SIRT2: variants seen among roughly 807,000 people sequenced by gnomAD.
SIRT2 encodes the protein NAD-dependent protein deacetylase sirtuin-2.
A neutral mutation model predicts 57.4 loss-of-function variants in SIRT2; 40 were observed. The observed-to-expected ratio is 0.70, with a 90% CI of 0.54 to 0.91. The LOEUF (loss-of-function observed/expected upper bound fraction) is 0.91. Ranked by LOEUF, SIRT2 falls within the 40% of genes least tolerant of loss-of-function variation. SIRT2 has a pLI of 0.00. For missense variants in SIRT2, 439 were observed against 510.4 expected, an observed-to-expected ratio of 0.86 and a Z score of 1.35; for synonymous variants, 161 against 195.7, an observed-to-expected ratio of 0.82 and a Z score of 1.48.
In SIRT2 at chr19:38,878,881, G is replaced by T; in HGVS notation, c.*274C>A. Reference sequence around the variant, plus strand: ...AGCCCTGGCCCCGTGGGGGCAGTTAGAGATGAGGGAGGTTACTCCTTAGCC... The same window carrying T: ...AGCCCTGGCCCCGTGGGGGCAGTTATAGATGAGGGAGGTTACTCCTTAGCC... On this transcript the variant is annotated 3_prime_UTR_variant, in exon 16 of 16. Coordinates refer to ENST00000249396, the MANE Select transcript of SIRT2 (RefSeq NM_012237.4). 2.6e-6 allele frequency: 1 copy of T among 384,248 alleles called. No individual in the cohort carries two copies. Among genetic ancestry groups the T allele is most frequent in the East Asian group, 4.3e-5 (1 of 23,068 alleles). The allele number at this position is 384,248 out of a possible 1,614,324, so 23.8% of individuals were successfully genotyped here. A position where few individuals can be genotyped will look rare whatever the true frequency, so the allele number is the denominator to read the frequency against.
rs138667748 is a variant in SIRT2 at position 38,883,810 on chromosome 19, C to T, written c.502-54G>A. On this transcript the variant is annotated intron_variant, in intron 8 of 15. Coordinates refer to ENST00000249396, the MANE Select transcript of SIRT2 (RefSeq NM_012237.4). ...TGAGGAGTGAGCCACCCCTTGTAGG[C>T]CAGAAGGCACAGTAGGGAGTTGAGG... 1,227 of 1,597,514 alleles carry T rather than the reference C, an allele frequency of 7.7e-4. 9 individuals carry two copies. In the African/African-American group the frequency reaches 0.013, roughly 17 times the overall value.
In SIRT2 at chr19:38,890,087, G is replaced by A; in HGVS notation, c.268+16C>T. The stretch of plus-strand genomic sequence containing the variant: ...CAGTTCCTGGGGGTAGCTGCTGGGG[G>A]AGAAGGGTTACTTACATGTGGAGAT... On this transcript the variant is annotated intron_variant, in intron 5 of 15. Coordinates refer to ENST00000249396, the MANE Select transcript of SIRT2 (RefSeq NM_012237.4). 7 of 1,614,188 alleles carry A rather than the reference G, an allele frequency of 4.3e-6. No homozygotes were observed. Among genetic ancestry groups the A allele is most frequent in the Non-Finnish European group, 5.9e-6 (7 of 1,180,008 alleles).
chr19:38,892,861 A>G (rs1200265357), intron 4 of SIRT2, among the ~76,000 whole-genome samples: 1 of 152,172 alleles, frequency 6.6e-6, no homozygotes, highest in African/African-American at 2.4e-5. Flanking sequence ...TACATACATG[A>G]GCCACTGCCC....
At chr19:38,881,514 A>G (rs1472003870) in intron 9 of SIRT2, 23 bp from the exon 10 acceptor site, 4 of 1,607,182 alleles carry the variant, frequency 2.5e-6, no homozygotes, top group African/African-American at 1.3e-5. Context: ...AAGGGGAAGA[A>G]AGAGAAGGCA....
intron 7 of SIRT2, chr19:38,889,437 A>G (rs966006798): frequency 4.5e-6 from 3 of 669,350 alleles, no homozygotes; most frequent in Middle Eastern, 2.5e-4. Context: ...CAACGGCATC[A>G]TTAGTCAGCT....
At chr19:38,879,731 G>A (rs1973076568) in intron 13 of SIRT2, 29 bp from the exon 14 acceptor site, 2 of 1,538,816 alleles carry the variant, frequency 1.3e-6, no homozygotes, top group Non-Finnish European at 8.8e-7. Flanking sequence ...GTCAGGGGCA[G>A]GAGCAGGGAA....
chr19:38,880,399 C>A lies in SIRT2; in HGVS notation c.876+286G>T. 5.3e-6 allele frequency: 2 copies of A among 376,994 alleles called. No individual in the cohort carries two copies. Among genetic ancestry groups the A allele is most frequent in the Non-Finnish European group, 9.4e-6 (2 of 212,022 alleles). The allele number at this position is 376,994 out of a possible 1,614,324, so 23.4% of individuals were successfully genotyped here. On this transcript the variant is annotated intron_variant, in intron 13 of 15. Transcript: ENST00000249396. The surrounding 1 kb of genome is among the most constrained non-coding windows in gnomAD (Gnocchi z 4.1). ...AGAGCGTGGACCCAACCCCGCCCCC[C>A]GCACTGTCTCTCCTGACCCCTGCAC...
Position 38,879,300 on chromosome 19 carries a change from T to C in SIRT2, c.1025A>G (p.Glu342Gly). 2.5e-6 allele frequency: 4 copies of C among 1,613,492 alleles called. No individual in the cohort carries two copies. Among genetic ancestry groups the C allele is most frequent in the Non-Finnish European group, 3.4e-6 (4 of 1,179,914 alleles). Residue 342 changes from glutamate (E) to glycine (G), a missense_variant, in exon 16 of 16, where the codon GAG (glutamate) becomes GGG (glycine). Coordinates refer to ENST00000249396, the MANE Select transcript of SIRT2 (RefSeq NM_012237.4). The part of the protein sequence containing the change: ...AELLGWKKEL[E>G]DLVRREHASI... ...GGCGTGCTCCCTCCGGACAAGGTCC[T>C]CCAGCTCCTTCTGCAGGAGCAAAGG... is the stretch of plus-strand genomic sequence containing the variant.
At chr19:38,895,946 T>C (rs1472665219) in intron 2 of SIRT2, among the ~76,000 whole-genome samples, 1 of 151,972 alleles carries the variant, frequency 6.6e-6, no homozygotes, top group East Asian at 1.9e-4. Context: ...GTGGCACGTG[T>C]CTGTAGTCCC....
At position 38,899,607 on chromosome 19, in the gene SIRT2, C is replaced by A. The variant is rs755854039; in HGVS notation, c.-86G>T. The stretch of plus-strand genomic sequence containing the variant: ...GTGTCCCGTCACCGACTGCTCTGTC[C>A]TGTCACCGACTGCTCTGTCCCGTGA... On this transcript the variant is annotated 5_prime_UTR_variant, in exon 1 of 16. The change creates a new upstream start codon in the 5' untranslated region. Transcript: ENST00000249396. The A allele has an allele frequency of 4.5e-6, 7 of 1,554,856 alleles. No homozygotes were observed. Among genetic ancestry groups the A allele is most frequent in the Middle Eastern group, 1.7e-4 (1 of 5,946 alleles).
rs571648830 is a variant in SIRT2, at chr19:38,884,524, C to T, written c.502-768G>A. Among the ~76,000 whole-genome samples, 8 of 152,264 alleles carry T rather than the reference C, an allele frequency of 5.3e-5. No homozygotes were observed. The East Asian group carries it at 1.4e-3, about 26-fold the overall frequency. ...AGTGCAGTGGCACAATCTCGGCTCA[C>T]TGCAACCTCTGACTCCCAGGTTCAA... On this transcript the variant is annotated intron_variant, in intron 8 of 15. Transcript: ENST00000249396.
At position 38,883,749 on chromosome 19, in the gene SIRT2, T is replaced by C. The variant is rs200906111; in HGVS notation, c.509A>G (p.Asp170Gly). 3.3e-5 allele frequency: 54 copies of C among 1,613,850 alleles called. No homozygotes were observed. Among genetic ancestry groups the C allele is most frequent in the Non-Finnish European group, 4.4e-5 (52 of 1,179,928 alleles). Residue 170 changes from aspartate (D) to glycine (G), a missense_variant, in exon 9 of 16, where the codon GAT becomes GGT. Asp to Gly is a moderately conservative substitution (Grantham distance 94, BLOSUM62 -1). Transcript: ENST00000249396. ...LLLRCYTQNI[D>G]TLERIAGLEQ... ...CAGCCCGGCTATTCGCTCCAGGGTATCTATGTTCTAGAGGGAGAGATGGAG... is the reference window on the plus strand; with the variant it reads ...CAGCCCGGCTATTCGCTCCAGGGTACCTATGTTCTAGAGGGAGAGATGGAG...
chr19:38,885,631 G>A (rs906833859), intron 8 of SIRT2, among the ~76,000 whole-genome samples: 1 of 131,414 alleles, frequency 7.6e-6, no homozygotes, highest in African/African-American at 2.8e-5. Flanking sequence ...TTGCTCTGTT[G>A]CCAGGCTGGA....
chr19:38,889,420 G>A (rs998734726), intron 7 of SIRT2: 66 of 682,904 alleles, frequency 9.7e-5, no homozygotes, highest in South Asian at 5.5e-4. Flanking sequence ...GCAGGGTCCC[G>A]GGCTCTCAAC....
chr19:38,883,284 T>G (rs1342458185), intron 9 of SIRT2, among the ~76,000 whole-genome samples: 1 of 151,868 alleles, frequency 6.6e-6, no homozygotes, highest in African/African-American at 2.4e-5. Context: ...AAACGGGGTT[T>G]CACCATGTTA....
intron 8 of SIRT2, among the ~76,000 whole-genome samples, chr19:38,884,474 A>G (rs567158479): frequency 2.0e-5 from 3 of 151,690 alleles, no homozygotes; most frequent in African/African-American, 7.3e-5. Flanking sequence ...TTTGAGATGG[A>G]GTCTTGCTCT....
intron 1 of SIRT2, 71 bp downstream of exon 1, chr19:38,899,435 G>A (rs893513890): frequency 4.6e-5 from 72 of 1,580,422 alleles, no homozygotes; most frequent in Non-Finnish European, 6.1e-5. Context: ...GCCACCCTTG[G>A]GCCCCGGGGC....
chr19:38,881,968 T>C (rs1973168578), intron 9 of SIRT2, among the ~76,000 whole-genome samples: 1 of 149,752 alleles, frequency 6.7e-6, no homozygotes, highest in Non-Finnish European at 1.5e-5. Context: ...CAATTACAGG[T>C]GTGAGCCACT....
chr19:38,880,664 G>A lies in SIRT2; in HGVS notation c.876+21C>T. On this transcript the variant is annotated intron_variant, in intron 13 of 15. Transcript: ENST00000249396. This position sits in a 1 kb window ranked among gnomAD's most constrained non-coding sequence, Gnocchi z 4.1. The stretch of plus-strand genomic sequence containing the variant: ...GGAAGGGGGAGCCTGTGACGACGGG[G>A]GCTTGAAGAAGGGCTCTTACCTGGC... 1 of 1,531,632 alleles carries A rather than the reference G, an allele frequency of 6.5e-7. No individual in the cohort carries two copies. Among genetic ancestry groups the A allele is most frequent in the Non-Finnish European group, 8.8e-7 (1 of 1,137,244 alleles). The allele number at this position is 1,531,632 out of a possible 1,614,324, so 94.9% of individuals were successfully genotyped here. A position where few individuals can be genotyped will look rare whatever the true frequency, so the allele number is the denominator to read the frequency against.
Sources: allele counts gnomAD v4.1 joint callset (sites outside exome capture counted in the v4.1 genomes callset), GRCh38; gene constraint gnomAD v4.1.1; non-coding constraint Gnocchi (gnomAD v3.1); transcripts MANE v1.5; gene names NCBI Gene and HGNC (gene_info 2026-07-23, HGNC 2026-07-21).